The following TMEM117 variants were observed in gnomAD, a reference collection of about 807,000 sequenced individuals.
The protein encoded by TMEM117 is transmembrane protein 117.
TMEM117 carries 27 observed loss-of-function variants against 52.4 expected under a neutral mutation model. The ratio of observed to expected loss-of-function variants is 0.51; its 90% confidence interval spans 0.38 to 0.71. TMEM117 has a LOEUF of 0.71. Among genes scored for constraint, TMEM117 ranks in the 30% least tolerant of loss-of-function variants. The pLI, the probability that TMEM117 is intolerant of heterozygous loss-of-function variation, is 0.00. For missense variants in TMEM117, 556 were observed against 630.5 expected (o/e 0.88, Z 1.26); for synonymous variants, 215 against 206.3 (o/e 1.04, Z -0.36).
chr12:44,144,880 G>A (rs931458828), intron 4 of TMEM117, among the ~76,000 whole-genome samples: 2 of 152,178 alleles, frequency 1.3e-5, no homozygotes, highest in African/African-American at 4.8e-5. Context: ...TTTCTGGGCC[G>A]GGCGCGGTGG....
the TMEM117 span, among the ~76,000 whole-genome samples, chr12:43,824,674 G>A: frequency 1.3e-5 from 2 of 152,166 alleles, no homozygotes; most frequent in East Asian, 3.9e-4. Context: ...AGTGGCTCAC[G>A]ACTGTAATCC....
intron 5 of TMEM117, among the ~76,000 whole-genome samples, chr12:44,261,431 G>T (rs1366363428): frequency 3.3e-5 from 5 of 152,182 alleles, no homozygotes; most frequent in African/African-American, 1.2e-4. Flanking sequence ...TGGTATTTAT[G>T]AAATCAGTAG....
chr12:44,175,393 G>T (rs921714120), intron 4 of TMEM117, among the ~76,000 whole-genome samples: 1 of 152,178 alleles, frequency 6.6e-6, no homozygotes, highest in African/African-American at 2.4e-5. Flanking sequence ...GAGTGAGGGA[G>T]CACTAGAAGA....
At chr12:43,982,266 G>T (rs1056349260) in intron 3 of TMEM117, among the ~76,000 whole-genome samples, 1 of 152,100 alleles carries the variant, frequency 6.6e-6, no homozygotes, top group Admixed American at 6.6e-5. Flanking sequence ...TAGTTTCCCC[G>T]AGGAATACAA....
the TMEM117 span, chr12:43,796,881 A>C: frequency 7.5e-7 from 1 of 1,326,858 alleles, no homozygotes; most frequent in Non-Finnish European, 1.1e-6. Context: ...AGAAAAATAA[A>C]TATTTTCATT....
intron 6 of TMEM117, among the ~76,000 whole-genome samples, chr12:44,370,502 A>ACTCTTTT (rs1951848054): frequency 7.1e-6 from 1 of 140,836 alleles, no homozygotes; most frequent in African/African-American, 2.7e-5. Flanking sequence ...AACCACAGAG[A>ACTCTTTT]TTCTTTTTTT....
At chr12:44,208,725 G>GTTTTTTTTT (rs5797892) in intron 4 of TMEM117, among the ~76,000 whole-genome samples, 8 of 68,826 alleles carry the variant, frequency 1.2e-4, no homozygotes, top group African/African-American at 3.1e-4. Flanking sequence ...CAGAAAGAAT[G>GTTTTTTTTT]TTTTTTTTTT....
chr12:44,278,564 A>T (rs1950542460), intron 5 of TMEM117, among the ~76,000 whole-genome samples: 1 of 152,186 alleles, frequency 6.6e-6, no homozygotes. Flanking sequence ...CCTCAATGTG[A>T]GCTCTCTCTT....
At chr12:43,874,304 G>T (rs931533638) in intron 2 of TMEM117, among the ~76,000 whole-genome samples, 3 of 152,090 alleles carry the variant, frequency 2.0e-5, no homozygotes, top group Non-Finnish European at 4.4e-5. Flanking sequence ...ATTAAGGCTG[G>T]GCATGGTGTC....
chr12:44,045,380 T>C (rs1226759299), intron 3 of TMEM117, among the ~76,000 whole-genome samples: 1 of 152,188 alleles, frequency 6.6e-6, no homozygotes, highest in African/African-American at 2.4e-5. Context: ...TCTTTCATCA[T>C]GGAAAGGTTT....
At chr12:44,115,329 G>A (rs1263784722) in intron 3 of TMEM117, among the ~76,000 whole-genome samples, 1 of 152,028 alleles carries the variant, frequency 6.6e-6, no homozygotes, top group African/African-American at 2.4e-5. Flanking sequence ...GAAGGGGGAG[G>A]GATAGCATTA....
intron 3 of TMEM117, among the ~76,000 whole-genome samples, chr12:44,071,131 G>C (rs712105): frequency 0.014 from 2,088 of 152,288 alleles, 61 homozygotes; most frequent in African/African-American, 0.048. Context: ...ATGGCCCTTT[G>C]TTTTTTAACT....
chr12:44,325,134 A>C (rs1951178928), intron 6 of TMEM117, among the ~76,000 whole-genome samples: 1 of 152,210 alleles, frequency 6.6e-6, no homozygotes. Flanking sequence ...TTAATTACAC[A>C]TGTCCATGAT....
chr12:44,295,007 C>A (rs1248431486), intron 5 of TMEM117, among the ~76,000 whole-genome samples: 2 of 152,156 alleles, frequency 1.3e-5, no homozygotes, highest in Non-Finnish European at 2.9e-5. Context: ...AAAATATTCT[C>A]TGGGTGGGTC....
At chr12:44,197,055 G>C (rs1204255890) in intron 4 of TMEM117, among the ~76,000 whole-genome samples, 1 of 152,172 alleles carries the variant, frequency 6.6e-6, no homozygotes, top group Non-Finnish European at 1.5e-5. Flanking sequence ...CAAAATGGCA[G>C]GCTACCTAGT....
chr12:44,365,446 G>A (rs1951777277), intron 6 of TMEM117, among the ~76,000 whole-genome samples: 1 of 151,964 alleles, frequency 6.6e-6, no homozygotes, highest in South Asian at 2.1e-4. Flanking sequence ...GGCCTGATGG[G>A]GGAAAATGTC....
At chr12:43,997,322 G>A (rs1476891392) in intron 3 of TMEM117, among the ~76,000 whole-genome samples, 1 of 152,164 alleles carries the variant, frequency 6.6e-6, no homozygotes, top group Non-Finnish European at 1.5e-5. Context: ...ATAGGTACCT[G>A]CTTGTTTTAG....
At chr12:44,045,091 A>G (rs1242026297) in intron 3 of TMEM117, among the ~76,000 whole-genome samples, 1 of 152,212 alleles carries the variant, frequency 6.6e-6, no homozygotes, top group Non-Finnish European at 1.5e-5. Flanking sequence ...TGAAGTGGCT[A>G]GGATGACCCA....
At chr12:44,262,518 G>C (rs1204923659) in intron 5 of TMEM117, among the ~76,000 whole-genome samples, 1 of 152,150 alleles carries the variant, frequency 6.6e-6, no homozygotes, top group African/African-American at 2.4e-5. Flanking sequence ...AAGTATAAAA[G>C]ACCTTCATAC....
Sources: gnomAD v4.1 joint callset for allele counts (sites outside exome capture counted in the v4.1 genomes callset) on GRCh38, gnomAD v4.1.1 for gene constraint, MANE v1.5 for transcripts, NCBI Gene and HGNC (gene_info 2026-07-23, HGNC 2026-07-21) for gene names.